Variants in SNX7 observed in about 807,000 individuals in gnomAD.
SNX7 encodes sorting nexin-7.
A neutral mutation model predicts 48.4 loss-of-function variants in SNX7; 35 were observed. The observed-to-expected ratio is 0.72, with a 90% CI of 0.55 to 0.96. The LOEUF is 0.96. Among genes scored for constraint, SNX7 ranks in the 40% least tolerant of loss-of-function variants. The pLI, the probability that SNX7 is intolerant of heterozygous loss-of-function variation, is 0.00. For synonymous variants in SNX7, 190 were observed against 190.2 expected (o/e 1.00, Z 0.01); for missense variants, 553 against 548.9 (o/e 1.01, Z -0.07).
intron 4 of SNX7, among the ~76,000 whole-genome samples, 188 bp downstream of exon 4, chr1:98,691,887 A>G (rs767240504): frequency 2.0e-5 from 3 of 151,004 alleles, no homozygotes; most frequent in Non-Finnish European, 3.0e-5. Context: ...TAAATATTAC[A>G]GAAATCTTGT....
chr1:98,708,771 C>T (rs918166171), intron 7 of SNX7, among the ~76,000 whole-genome samples: 18 of 152,148 alleles, frequency 1.2e-4, no homozygotes, highest in African/African-American at 3.9e-4. Context: ...AAAAGCAAAA[C>T]TGTGTTCTCC....
chr1:98,757,564 G>T (rs945521324), intron 8 of SNX7, among the ~76,000 whole-genome samples: 1 of 151,916 alleles, frequency 6.6e-6, no homozygotes, highest in East Asian at 1.9e-4. Flanking sequence ...GGCCTTATCT[G>T]CAAATATAGT....
At chr1:98,726,321 G>A (rs1327112206) in intron 7 of SNX7, among the ~76,000 whole-genome samples, 3 of 152,174 alleles carry the variant, frequency 2.0e-5, no homozygotes, top group African/African-American at 4.8e-5. Flanking sequence ...AACTGAGAAA[G>A]ATGGAATGTT....
chr1:98,756,556 GC>G (rs1654867418), intron 8 of SNX7, among the ~76,000 whole-genome samples: 1 of 150,294 alleles, frequency 6.7e-6, no homozygotes, highest in Admixed American at 6.7e-5. Flanking sequence ...CTATGAGAAT[GC>G]TGGATACTGT....
intron 8 of SNX7, among the ~76,000 whole-genome samples, chr1:98,759,104 G>A (rs556417359): frequency 6.6e-6 from 1 of 152,022 alleles, no homozygotes; most frequent in East Asian, 1.9e-4. Context: ...AGCATTAGAG[G>A]CAGAAGAAGT....
chr1:98,720,668 G>C (rs577733224), intron 7 of SNX7, among the ~76,000 whole-genome samples: 1 of 152,134 alleles, frequency 6.6e-6, no homozygotes, highest in Admixed American at 6.6e-5. Context: ...TAAAAATTCA[G>C]TTTCTCAGTC....
intron 1 of SNX7, chr1:98,662,576 G>A (rs753818015): frequency 1.8e-5 from 16 of 905,892 alleles, no homozygotes; most frequent in Non-Finnish European, 2.3e-5. Context: ...GCTCTTATTT[G>A]CTTATTTTAC....
chr1:98,751,534 A>G (rs1033514447), intron 8 of SNX7, among the ~76,000 whole-genome samples: 5 of 152,132 alleles, frequency 3.3e-5, no homozygotes, highest in African/African-American at 1.2e-4. Flanking sequence ...TCAAAGAGAA[A>G]TTGCACTTGA....
chr1:98,682,637 T>G (rs1650564388), intron 1 of SNX7, among the ~76,000 whole-genome samples: 2 of 152,232 alleles, frequency 1.3e-5, no homozygotes, highest in Non-Finnish European at 2.9e-5. Flanking sequence ...TTAAGAACTC[T>G]GATGCCATTC....
At chr1:98,715,702 T>A (rs763050339) in intron 7 of SNX7, among the ~76,000 whole-genome samples, 1 of 152,218 alleles carries the variant, frequency 6.6e-6, no homozygotes, top group Non-Finnish European at 1.5e-5. Flanking sequence ...CCTCTTTGCT[T>A]CTGATACAAC....
rs138647550 is a variant in SNX7, at chr1:98,685,049, G to T, written c.345G>T (p.Thr115=). The T allele has an allele frequency of 1.3e-6, 2 of 1,535,390 alleles. No homozygotes were observed. Among genetic ancestry groups the T allele is most frequent in the Non-Finnish European group, 1.8e-6 (2 of 1,135,112 alleles). The change falls in exon 2 of 9, where the codon ACG becomes ACT. Residue 115 remains threonine, a synonymous_variant. Coordinates refer to ENST00000306121, the MANE Select transcript of SNX7 (RefSeq NM_015976.5). ...TTACTACAATAGAAACTTTCATTAC[G>T]TATAGGATTATTACTAAGGTAAACA... ...SHVTTIETFI[T]YRIITKTSRG... is the part of the protein sequence containing the mutation.
At chr1:98,675,127 A>G (rs1282737386) in intron 1 of SNX7, among the ~76,000 whole-genome samples, 2 of 152,212 alleles carry the variant, frequency 1.3e-5, no homozygotes, top group African/African-American at 2.4e-5. Context: ...TTTGGAAAGA[A>G]CAAATTTTAT....
intron 7 of SNX7, among the ~76,000 whole-genome samples, chr1:98,719,384 G>A (rs781350311): frequency 7.2e-5 from 11 of 152,066 alleles, no homozygotes; most frequent in African/African-American, 1.9e-4. Context: ...ATATCAAACC[G>A]TTGAATTGTT....
intron 1 of SNX7, among the ~76,000 whole-genome samples, chr1:98,668,437 G>T (rs993895009): frequency 7.9e-5 from 12 of 152,344 alleles, no homozygotes; most frequent in African/African-American, 2.9e-4. Flanking sequence ...ATCTTCAGAT[G>T]CCAGTGCCTT....
intron 4 of SNX7, among the ~76,000 whole-genome samples, chr1:98,692,152 C>T (rs1651176312): frequency 6.6e-6 from 1 of 152,000 alleles, no homozygotes; most frequent in African/African-American, 2.4e-5. Flanking sequence ...CTAGTAGCCT[C>T]CTGTTGATTG....
At chr1:98,740,535 A>T (rs771531091) in intron 8 of SNX7, among the ~76,000 whole-genome samples, 78 of 152,172 alleles carry the variant, frequency 5.1e-4, no homozygotes, top group African/African-American at 1.8e-3. Flanking sequence ...AAATGTTAAG[A>T]TCTGCCAATT....
upstream of SNX7, chr1:98,661,565 C>T (rs1421769280): frequency 1.8e-6 from 1 of 570,816 alleles, no homozygotes; most frequent in East Asian, 5.0e-5. Flanking sequence ...TGGGGATGCG[C>T]CCGGCCCGGG....
At chr1:98,682,493 T>C (rs1255232300) in intron 1 of SNX7, among the ~76,000 whole-genome samples, 3 of 152,208 alleles carry the variant, frequency 2.0e-5, no homozygotes, top group Middle Eastern at 3.2e-3. Flanking sequence ...ATCTTCTATT[T>C]CTGAAATGGC....
At chr1:98,682,541 A>T (rs74110431) in intron 1 of SNX7, among the ~76,000 whole-genome samples, 1,853 of 152,258 alleles carry the variant, frequency 0.012, 30 homozygotes, top group African/African-American at 0.042. Flanking sequence ...AATTGCCTGG[A>T]TATGTATAAT....
Sources: allele counts gnomAD v4.1 joint callset (sites outside exome capture counted in the v4.1 genomes callset), GRCh38; gene constraint gnomAD v4.1.1; transcripts MANE v1.5; gene names NCBI Gene and HGNC (gene_info 2026-07-23, HGNC 2026-07-21).